The following BBX variants were observed in gnomAD, a reference collection of about 807,000 sequenced individuals.
BBX encodes BBX high mobility group box domain containing.
In BBX, 30 loss-of-function variants were observed where a neutral mutation model predicts 100.2. The ratio of observed to expected loss-of-function variants is 0.30; its 90% CI spans 0.22 to 0.41. The LOEUF is 0.41. Ranked by LOEUF, BBX falls within the 10% of genes least tolerant of loss-of-function variation. BBX has a pLI of 1.00. For synonymous variants in BBX, 376 were observed against 388.1 expected (o/e 0.97, Z 0.37); for missense variants, 1,023 against 1,129.8 (o/e 0.91, Z 1.35).
At chr3:107,621,721 T>C (rs1448706378) in intron 2 of BBX, among the ~76,000 whole-genome samples, 1 of 152,178 alleles carries the variant, frequency 6.6e-6, no homozygotes, top group African/African-American at 2.4e-5. Context: ...GTATATACAG[T>C]TAAAGCAGGA....
chr3:107,650,557 C>A (rs1037069791), intron 3 of BBX, among the ~76,000 whole-genome samples: 2 of 152,110 alleles, frequency 1.3e-5, no homozygotes, highest in African/African-American at 4.8e-5. Flanking sequence ...GATTCAAAGC[C>A]TTATGCTTTT....
chr3:107,698,328 T>C (rs1296974823), intron 3 of BBX, among the ~76,000 whole-genome samples: 1 of 151,562 alleles, frequency 6.6e-6, no homozygotes, highest in African/African-American at 2.4e-5. Flanking sequence ...TATATGTTTT[T>C]TTTAAAAAAA....
At position 107,802,263 on chromosome 3, in the gene BBX, C is replaced by T. The variant is rs142783297; in HGVS notation, c.2738+982C>T. 2.9e-3 allele frequency among the ~76,000 whole-genome samples: 439 copies of T among 152,330 alleles called. 3 individuals carry two copies. The highest frequency in any genetic ancestry group is 0.01 in the African/African-American group (418 of 41,572). On this transcript the variant is annotated intron_variant, in intron 17 of 17. Coordinates refer to ENST00000325805, the MANE Select transcript of BBX (RefSeq NM_001142568.3). ...GCTCCTTTTTGACATCCAGGTAAAC[C>T]TGGAGTCCCCTGACGTGAGCTTGGT...
At chr3:107,630,649 A>C (rs967866569) in intron 2 of BBX, among the ~76,000 whole-genome samples, 2 of 152,186 alleles carry the variant, frequency 1.3e-5, no homozygotes, top group Non-Finnish European at 2.9e-5. Flanking sequence ...TTCAGTGCGT[A>C]AAACATGTTT....
intron 2 of BBX, among the ~76,000 whole-genome samples, chr3:107,576,909 G>T (rs1318571330): frequency 2.0e-5 from 3 of 152,082 alleles, no homozygotes; most frequent in African/African-American, 7.2e-5. Flanking sequence ...TCTCCAGGCT[G>T]TAGTGCATTG....
chr3:107,796,248 A>G (rs112163933), intron 15 of BBX, among the ~76,000 whole-genome samples: 1 of 152,128 alleles, frequency 6.6e-6, no homozygotes, highest in Non-Finnish European at 1.5e-5. Context: ...ATCTTTCCCA[A>G]CCGACTTGGC....
chr3:107,630,514 A>G (rs898673040), intron 2 of BBX, among the ~76,000 whole-genome samples: 20 of 152,172 alleles, frequency 1.3e-4, no homozygotes, highest in Non-Finnish European at 2.6e-4. Flanking sequence ...TTCAGTTTTC[A>G]GATAGAATTT....
chr3:107,678,744 T>G (rs2059417139), intron 3 of BBX, among the ~76,000 whole-genome samples: 1 of 151,994 alleles, frequency 6.6e-6, no homozygotes, highest in Admixed American at 6.6e-5. Flanking sequence ...AAAAAAAAGT[T>G]GTTAATTGTA....
chr3:107,662,520 G>C (rs1242074503), intron 3 of BBX: 3 of 152,024 alleles, frequency 2.0e-5, no homozygotes, highest in Admixed American at 6.6e-5. Context: ...TGTAAATTGT[G>C]ATTATATGAA....
intron 10 of BBX, among the ~76,000 whole-genome samples, chr3:107,769,206 A>G (rs1312733842): frequency 7.2e-6 from 1 of 139,670 alleles, no homozygotes; most frequent in Non-Finnish European, 1.6e-5. Context: ...AGATAGATAG[A>G]TAGATAGATA....
chr3:107,637,443 G>T (rs1300742209), intron 2 of BBX, among the ~76,000 whole-genome samples: 1 of 152,206 alleles, frequency 6.6e-6, no homozygotes, highest in African/African-American at 2.4e-5. Flanking sequence ...CTAGTCTGTG[G>T]ATGACAAACT....
chr3:107,612,574 TC>T (rs752604698), intron 2 of BBX, among the ~76,000 whole-genome samples: 16 of 152,176 alleles, frequency 1.1e-4, no homozygotes, highest in Middle Eastern at 3.2e-3. Context: ...TTGTTCTCTT[TC>T]CTTACTTTCC....
chr3:107,776,433 G>C (rs910651484), intron 12 of BBX: 1 of 152,148 alleles, frequency 6.6e-6, no homozygotes. Flanking sequence ...TTTTATAGCT[G>C]TAAATTAACA....
intron 3 of BBX, among the ~76,000 whole-genome samples, chr3:107,699,280 C>T (rs902704142): frequency 6.6e-6 from 1 of 151,804 alleles, no homozygotes. Context: ...CGGAAGGAAA[C>T]AGCAGCCAGG....
intron 1 of BBX, chr3:107,524,659 T>C (rs2047618385): frequency 6.7e-6 from 1 of 148,170 alleles, no homozygotes; most frequent in Admixed American, 6.7e-5. Context: ...AGCTATTTTT[T>C]GCTTTCCTTT....
At chr3:107,725,046 A>C (rs1217791667) in intron 5 of BBX, among the ~76,000 whole-genome samples, 2 of 152,154 alleles carry the variant, frequency 1.3e-5, no homozygotes, top group Non-Finnish European at 2.9e-5. Context: ...ATGAGCATGG[A>C]ATGTTCTTCC....
chr3:107,736,352 G>T (rs1158989335), intron 7 of BBX, among the ~76,000 whole-genome samples: 2 of 151,884 alleles, frequency 1.3e-5, no homozygotes, highest in African/African-American at 4.8e-5. Context: ...AAAATAGGCG[G>T]CAGGGAGCTA....
chr3:107,725,337 A>G (rs1429982821), intron 5 of BBX, among the ~76,000 whole-genome samples: 2 of 152,146 alleles, frequency 1.3e-5, no homozygotes, highest in Non-Finnish European at 2.9e-5. Context: ...CTAGATATAC[A>G]ATCATGTCAT....
At chr3:107,597,346 A>T (rs2053732754) in intron 2 of BBX, among the ~76,000 whole-genome samples, 1 of 152,174 alleles carries the variant, frequency 6.6e-6, no homozygotes. Context: ...GCTCCCAGTG[A>T]TTGTTTTTAA....
Sources: allele counts gnomAD v4.1 joint callset (sites outside exome capture counted in the v4.1 genomes callset), GRCh38; gene constraint gnomAD v4.1.1; transcripts MANE v1.5; gene names NCBI Gene and HGNC (gene_info 2026-07-23, HGNC 2026-07-21).